The following CPPED1 variants were observed in gnomAD, a reference collection of about 807,000 sequenced individuals.
The protein encoded by CPPED1 is calcineurin like phosphoesterase domain containing 1.
CPPED1 carries 28 observed loss-of-function variants against 28.0 expected under a neutral mutation model. The observed-to-expected ratio is 1.00, with a 90% CI of 0.74 to 1.37. CPPED1 has a LOEUF of 1.37. Ranked by LOEUF, CPPED1 falls within the 40% of genes most tolerant of loss-of-function variation. The pLI is 0.00. For synonymous variants in CPPED1, 198 were observed against 180.2 expected (o/e 1.10, Z -0.79); for missense variants, 504 against 416.5 (o/e 1.21, Z -1.83).
chr16:12,756,496 A>G (rs140462612), intron 2 of CPPED1, among the ~76,000 whole-genome samples: 114 of 152,264 alleles, frequency 7.5e-4, no homozygotes, highest in African/African-American at 2.6e-3. Context: ...GTTCGAGACC[A>G]GCTGGCTAAC....
At chr16:12,783,567 A>G (rs1396016437) in intron 1 of CPPED1, among the ~76,000 whole-genome samples, 1 of 152,122 alleles carries the variant, frequency 6.6e-6, no homozygotes, top group African/African-American at 2.4e-5. Context: ...AAGTGGTGAC[A>G]TTTAAGCTGA....
At position 12,664,856 on chromosome 16, in the gene CPPED1, G is replaced by C; in HGVS notation, c.*30C>G. 1.9e-6 allele frequency: 3 copies of C among 1,609,314 alleles called. No homozygotes were observed. The highest frequency in any genetic ancestry group is 2.5e-6 in the Non-Finnish European group (3 of 1,178,666). The stretch of plus-strand genomic sequence containing the variant: ...CTGGCAAAATAAAAAAATAGTGCAA[G>C]TGAAAAGTGAACGGGAACGGGAAGG... On this transcript the variant is annotated 3_prime_UTR_variant, in exon 4 of 4. Coordinates refer to ENST00000381774, the MANE Select transcript of CPPED1 (RefSeq NM_018340.3). This position sits in a 1 kb window ranked among gnomAD's most constrained non-coding sequence, Gnocchi z 4.2.
chr16:12,766,574 G>C (rs1370531570), intron 2 of CPPED1, among the ~76,000 whole-genome samples: 1 of 152,064 alleles, frequency 6.6e-6, no homozygotes, highest in Non-Finnish European at 1.5e-5. Context: ...GGGAATTATG[G>C]AAGTACAATT....
chr16:12,701,999 G>A (rs1206544852), intron 3 of CPPED1, among the ~76,000 whole-genome samples: 2 of 152,168 alleles, frequency 1.3e-5, no homozygotes, highest in Admixed American at 1.3e-4. Context: ...TCTGCCTACG[G>A]GAAGAGAAAG....
rs2079851170 is a variant in CPPED1 at position 12,671,194 on chromosome 16, T to A, written c.716-6079A>T. 1.3e-5 allele frequency among the ~76,000 whole-genome samples: 2 copies of A among 152,190 alleles called. 1 individual carries two copies. Among genetic ancestry groups the A allele is most frequent in the South Asian group, 4.1e-4 (2 of 4,834 alleles). ...TTATCCCCTGTACCATTTTCCCCAT[T>A]CATTAACATATTATATCAGAATAAT... is the stretch of plus-strand genomic sequence containing the variant. On this transcript the variant is annotated intron_variant, in intron 3 of 3. Transcript: ENST00000381774.
At chr16:12,704,113 T>C (rs964759275) in intron 3 of CPPED1, among the ~76,000 whole-genome samples, 1 of 152,192 alleles carries the variant, frequency 6.6e-6, no homozygotes, top group Non-Finnish European at 1.5e-5. Context: ...TGATGAATAC[T>C]GGAGGGCAGC....
At chr16:12,705,413 C>T (rs925855839) in intron 2 of CPPED1, among the ~76,000 whole-genome samples, 5 of 152,072 alleles carry the variant, frequency 3.3e-5, no homozygotes, top group African/African-American at 9.7e-5. Context: ...CACTTGAGCC[C>T]AGGAATTATG....
At chr16:12,766,964 C>T (rs1328614087) in intron 2 of CPPED1, among the ~76,000 whole-genome samples, 1 of 151,556 alleles carries the variant, frequency 6.6e-6, no homozygotes, top group African/African-American at 2.4e-5. Context: ...GCATTCAGAT[C>T]CCAAGTCATT....
chr16:12,776,213 C>A (rs532725974), intron 2 of CPPED1, among the ~76,000 whole-genome samples: 3 of 152,136 alleles, frequency 2.0e-5, no homozygotes, highest in African/African-American at 7.2e-5. Flanking sequence ...GCTTTGAAGG[C>A]AGAAGAAGGA....
Position 12,704,891 on chromosome 16 carries a change from A to G in CPPED1, c.448T>C (p.Tyr150His). The G allele has an allele frequency of 6.2e-7, 1 of 1,614,204 alleles. No homozygotes were observed. Among genetic ancestry groups the G allele is most frequent in the Non-Finnish European group, 8.5e-7 (1 of 1,180,044 alleles). ...EEFCRTWGDDYFSFWVGGVLF... is the reference protein window; with the variant it reads ...EEFCRTWGDDHFSFWVGGVLF... ...ACGCCCCCGACCCAGAAGCTGAAGT[A>G]GTCATCTCCCCAAGTCCGGCAGAAC... Residue 150 changes from tyrosine (Y) to histidine (H), a missense_variant, in exon 3 of 4, where the codon TAC (tyrosine) becomes CAC (histidine). Tyr to His is a moderately conservative substitution (Grantham distance 83, BLOSUM62 2). Coordinates refer to ENST00000381774, the MANE Select transcript of CPPED1 (RefSeq NM_018340.3).
intron 3 of CPPED1, among the ~76,000 whole-genome samples, chr16:12,694,595 T>C (rs973946314): frequency 7.2e-5 from 11 of 151,890 alleles, no homozygotes; most frequent in Admixed American, 2.0e-4. Context: ...GGTGAACTGA[T>C]TGGAACCTAA....
intron 2 of CPPED1, among the ~76,000 whole-genome samples, chr16:12,770,436 T>G (rs1453474106): frequency 1.3e-5 from 2 of 152,218 alleles, no homozygotes; most frequent in African/African-American, 4.8e-5. Context: ...AAGCCTCACA[T>G]GTATGTACAA....
intron 2 of CPPED1, among the ~76,000 whole-genome samples, chr16:12,727,635 C>G (rs1009912883): frequency 6.6e-6 from 1 of 152,158 alleles, no homozygotes; most frequent in African/African-American, 2.4e-5. Flanking sequence ...AGGCATGAAC[C>G]ACCATGCCTG....
intron 2 of CPPED1, among the ~76,000 whole-genome samples, chr16:12,710,429 T>C (rs1286671854): frequency 2.1e-5 from 3 of 139,780 alleles, no homozygotes; most frequent in South Asian, 2.3e-4. Flanking sequence ...ATTTTGAATA[T>C]AAAATTTGAT....
At chr16:12,688,648 A>G (rs2079946238) in intron 3 of CPPED1, among the ~76,000 whole-genome samples, 4 of 151,920 alleles carry the variant, frequency 2.6e-5, no homozygotes. Context: ...CTACTCCACG[A>G]CTTCTGCATT....
At chr16:12,758,707 T>A (rs1304902169) in intron 2 of CPPED1, among the ~76,000 whole-genome samples, 1 of 152,080 alleles carries the variant, frequency 6.6e-6, no homozygotes, top group Admixed American at 6.6e-5. Context: ...CAAAGCACTG[T>A]GTTAATAAAG....
intron 2 of CPPED1, among the ~76,000 whole-genome samples, chr16:12,731,604 C>T (rs915170558): frequency 6.6e-6 from 1 of 151,860 alleles, no homozygotes; most frequent in African/African-American, 2.4e-5. Flanking sequence ...AAAGAAACAA[C>T]CAAAAGCCAC....
At chr16:12,683,377 T>C (rs745928823) in intron 3 of CPPED1, among the ~76,000 whole-genome samples, 1 of 152,202 alleles carries the variant, frequency 6.6e-6, no homozygotes, top group Non-Finnish European at 1.5e-5. Context: ...CCCCAGGCTC[T>C]GTCCATTCCC....
intron 2 of CPPED1, among the ~76,000 whole-genome samples, chr16:12,755,756 C>G (rs774165891): frequency 2.0e-5 from 3 of 152,166 alleles, no homozygotes; most frequent in Non-Finnish European, 4.4e-5. Context: ...TTTGGGACAG[C>G]GTCATGTGAA....
Sources: allele counts gnomAD v4.1 joint callset (sites outside exome capture counted in the v4.1 genomes callset), GRCh38; gene constraint gnomAD v4.1.1; non-coding constraint Gnocchi (gnomAD v3.1); transcripts MANE v1.5; gene names NCBI Gene and HGNC (gene_info 2026-07-23, HGNC 2026-07-21).